The following UVRAG variants were observed in gnomAD, a reference collection of about 807,000 sequenced individuals.
UVRAG encodes UV radiation resistance-associated gene protein.
In UVRAG, 19 loss-of-function variants were observed where a neutral mutation model predicts 78.0. The observed-to-expected ratio is 0.24, with a 90% CI of 0.17 to 0.36. The LOEUF (loss-of-function observed/expected upper bound fraction) is 0.36. Among genes scored for constraint, UVRAG ranks in the 10% least tolerant of loss-of-function variants. UVRAG has a pLI of 1.00. For synonymous variants in UVRAG, 323 were observed against 324.6 expected (o/e 1.00, Z 0.05); for missense variants, 740 against 853.8 (o/e 0.87, Z 1.66).
intron 13 of UVRAG, among the ~76,000 whole-genome samples, chr11:76,112,537 C>A (rs1952094296): frequency 6.6e-6 from 1 of 151,900 alleles, no homozygotes; most frequent in Admixed American, 6.6e-5. Flanking sequence ...ACAAAATTTC[C>A]AGCATGATGG....
chr11:75,822,836 C>CT, intron 1 of UVRAG, among the ~76,000 whole-genome samples: 1 of 152,172 alleles, frequency 6.6e-6, no homozygotes, highest in Middle Eastern at 3.4e-3. Flanking sequence ...ACCTGTAGTT[C>CT]TGTGATTTGT....
rs114653465 is a variant in UVRAG, at chr11:75,983,004, G to C, written c.700-383G>C. Among the ~76,000 whole-genome samples, 334 of 152,242 alleles carry C rather than the reference G, an allele frequency of 2.2e-3. 1 individual carries two copies. The highest frequency in any genetic ancestry group is 7.6e-3 in the African/African-American group (317 of 41,540). Reference sequence around the variant, plus strand: ...AGGTTTTTGTGTGGACATGTGTTCAGTTCTCTTGGTATATACCTAGAAGTG... The same window carrying C: ...AGGTTTTTGTGTGGACATGTGTTCACTTCTCTTGGTATATACCTAGAAGTG... On this transcript the variant is annotated intron_variant, in intron 7 of 14. Transcript: ENST00000356136.
At chr11:75,934,135 T>C (rs1484702313) in intron 6 of UVRAG, among the ~76,000 whole-genome samples, 1 of 152,206 alleles carries the variant, frequency 6.6e-6, no homozygotes, top group African/African-American at 2.4e-5. Context: ...GTGATACATA[T>C]ACACAATGGA....
chr11:76,091,123 T>C (rs1481505373), intron 13 of UVRAG, among the ~76,000 whole-genome samples: 1 of 152,246 alleles, frequency 6.6e-6, no homozygotes, highest in Non-Finnish European at 1.5e-5. Flanking sequence ...TCTTTATTCT[T>C]CTCTGACTGA....
chr11:75,957,391 C>T (rs542405941), intron 6 of UVRAG, among the ~76,000 whole-genome samples: 80 of 151,904 alleles, frequency 5.3e-4, no homozygotes, highest in African/African-American at 1.9e-3. Context: ...TATTATGATA[C>T]ACTTTCTTCT....
chr11:75,843,489 C>G (rs897505510), intron 1 of UVRAG, among the ~76,000 whole-genome samples: 4 of 152,142 alleles, frequency 2.6e-5, no homozygotes, highest in African/African-American at 7.2e-5. Context: ...CATCATAGTA[C>G]TCATTTTAAG....
chr11:75,848,549 C>G (rs1004312966), intron 1 of UVRAG, among the ~76,000 whole-genome samples: 1 of 152,184 alleles, frequency 6.6e-6, no homozygotes, highest in Non-Finnish European at 1.5e-5. Flanking sequence ...CTACATAATG[C>G]AGAGATCTCT....
chr11:75,851,471 G>A (rs749201730), intron 1 of UVRAG, among the ~76,000 whole-genome samples: 2 of 152,150 alleles, frequency 1.3e-5, no homozygotes, highest in Non-Finnish European at 2.9e-5. Context: ...CTAGCATCAG[G>A]GGTGAGTGTA....
At chr11:76,109,521 T>G (rs1468373511) in intron 13 of UVRAG, among the ~76,000 whole-genome samples, 1 of 152,216 alleles carries the variant, frequency 6.6e-6, no homozygotes, top group Non-Finnish European at 1.5e-5. Flanking sequence ...TTGGTCCTGT[T>G]TATAGACAAG....
chr11:75,833,556 C>G (rs1251761981), intron 1 of UVRAG, among the ~76,000 whole-genome samples: 1 of 151,180 alleles, frequency 6.6e-6, no homozygotes, highest in East Asian at 1.9e-4. Context: ...AGACCCTAAC[C>G]CAGCGGCGCT....
At chr11:75,837,183 C>A (rs935700231) in intron 1 of UVRAG, among the ~76,000 whole-genome samples, 1 of 151,986 alleles carries the variant, frequency 6.6e-6, no homozygotes, top group Non-Finnish European at 1.5e-5. Flanking sequence ...AAAAATTAGC[C>A]GAGCGTGGTG....
intron 8 of UVRAG, among the ~76,000 whole-genome samples, chr11:75,988,684 T>C (rs1003889993): frequency 1.3e-4 from 20 of 152,252 alleles, no homozygotes; most frequent in South Asian, 6.2e-4. Context: ...TAAGCTGTTA[T>C]GCATTTTCAA....
chr11:76,086,819 T>C (rs1951596400), intron 13 of UVRAG, among the ~76,000 whole-genome samples: 1 of 152,248 alleles, frequency 6.6e-6, no homozygotes, highest in Non-Finnish European at 1.5e-5. Context: ...CATTATTTCA[T>C]TGATCCCCAA....
chr11:75,815,425 G>T lies in UVRAG; in HGVS notation c.18G>T (p.Ser6=). 8.0e-7 allele frequency: 1 copy of T among 1,248,238 alleles called. No individual in the cohort carries two copies. The highest frequency in any genetic ancestry group is 1.0e-6 in the Non-Finnish European group (1 of 995,196). The allele number at this position is 1,248,238 out of a possible 1,614,324, so 77.3% of individuals were successfully genotyped here. The part of the protein sequence containing the change: MSASA[S]VGGPVPQPPP... ...GGATCGAGATGAGCGCCTCCGCGTCGGTCGGGGGCCCCGTCCCCCAGCCAC... is the reference window on the plus strand; with the variant it reads ...GGATCGAGATGAGCGCCTCCGCGTCTGTCGGGGGCCCCGTCCCCCAGCCAC... The change falls in exon 1 of 15, where the codon TCG becomes TCT. Residue 6 remains serine, a synonymous_variant. Coordinates refer to ENST00000356136, the MANE Select transcript of UVRAG (RefSeq NM_003369.4).
At chr11:76,084,168 G>T (rs1331642162) in intron 13 of UVRAG, among the ~76,000 whole-genome samples, 1 of 152,208 alleles carries the variant, frequency 6.6e-6, no homozygotes, top group African/African-American at 2.4e-5. Flanking sequence ...AGCCCCAGTG[G>T]AGGCTACTAA....
intron 1 of UVRAG, chr11:75,837,472 A>G (rs1230492391): frequency 1.3e-5 from 2 of 152,098 alleles, no homozygotes; most frequent in African/African-American, 2.4e-5. Flanking sequence ...GGTAAATGCT[A>G]TGTAAATAGT....
intron 1 of UVRAG, among the ~76,000 whole-genome samples, chr11:75,840,118 T>A (rs1010295422): frequency 6.6e-6 from 1 of 152,190 alleles, no homozygotes; most frequent in African/African-American, 2.4e-5. Flanking sequence ...AACTGTGTGT[T>A]TCTTCATTGG....
intron 13 of UVRAG, among the ~76,000 whole-genome samples, chr11:76,085,754 A>G (rs1412420653): frequency 1.3e-5 from 2 of 152,196 alleles, no homozygotes; most frequent in Non-Finnish European, 2.9e-5. Context: ...GGCAAATCAC[A>G]TTACTTATGT....
At chr11:75,935,755 T>A (rs1948361134) in intron 6 of UVRAG, among the ~76,000 whole-genome samples, 1 of 68 alleles carries the variant, frequency 0.015, no homozygotes, top group African/African-American at 0.036. Context: ...GATCCCTCAG[T>A]ACTCCCAAAA....
Sources: allele counts gnomAD v4.1 joint callset (sites outside exome capture counted in the v4.1 genomes callset), GRCh38; gene constraint gnomAD v4.1.1; transcripts MANE v1.5; gene names NCBI Gene and HGNC (gene_info 2026-07-23, HGNC 2026-07-21).